The following MAN2A2 variants were observed in gnomAD, a reference collection of about 807,000 sequenced individuals.
MAN2A2 encodes the protein alpha-mannosidase 2x.
Under a neutral mutation model 126.8 loss-of-function variants are expected in MAN2A2, and 79 were observed. The observed-to-expected ratio is 0.62, with a 90% CI of 0.52 to 0.75. The LOEUF (loss-of-function observed/expected upper bound fraction) is 0.75, where lower values mean the gene tolerates loss of function less well. Ranked by LOEUF, MAN2A2 falls within the 30% of genes least tolerant of loss-of-function variation. MAN2A2 has a pLI of 0.00. For synonymous variants in MAN2A2, 671 were observed against 618.7 expected (o/e 1.08, Z -1.25); for missense variants, 1,392 against 1,522.4 (o/e 0.91, Z 1.43).
At chr15:90,917,443 G>T (rs551386216) in intron 20 of MAN2A2, among the ~76,000 whole-genome samples, 1 of 152,348 alleles carries the variant, frequency 6.6e-6, no homozygotes, top group South Asian at 2.1e-4. Context: ...GTACGGAGCA[G>T]GTTGGATCTG....
At position 90,912,921 on chromosome 15, in the gene MAN2A2, C is replaced by A; in HGVS notation, c.2514C>A (p.Gly838=). The A allele has an allele frequency of 6.2e-7, 1 of 1,614,102 alleles. No homozygotes were observed. Among genetic ancestry groups the A allele is most frequent in the Non-Finnish European group, 8.5e-7 (1 of 1,179,966 alleles). Reference sequence around the variant, plus strand: ...CCCCCGTGCTGCGTGTCACTGAAGGCCCTTTCTTCTCAGAGGTGGTTGCGT... The same window carrying A: ...CCCCCGTGCTGCGTGTCACTGAAGGACCTTTCTTCTCAGAGGTGGTTGCGT... ...KEPPVLRVTE[G]PFFSEVVAYY... is the part of the protein sequence containing the mutation. Residue 838 remains glycine (G), a synonymous_variant, in exon 17 of 23, where the codon GGC becomes GGA. Coordinates refer to ENST00000559717, the MANE Select transcript of MAN2A2 (RefSeq NM_006122.4).
intron 19 of MAN2A2, chr15:90,915,857 T>C: frequency 2.2e-6 from 1 of 447,598 alleles, no homozygotes; most frequent in East Asian, 3.6e-5. Flanking sequence ...TACTCCTGAG[T>C]CCCAGAGCGT....
At chr15:90,908,278 C>CTGATAAG (rs371763362) in intron 8 of MAN2A2, among the ~76,000 whole-genome samples, 120 of 152,264 alleles carry the variant, frequency 7.9e-4, no homozygotes, top group African/African-American at 2.6e-3. Context: ...GCTTACTAGA[C>CTGATAAG]TGATAAGTTA....
intron 1 of MAN2A2, chr15:90,903,713 A>C (rs1484990111): frequency 8.4e-6 from 2 of 237,144 alleles, no homozygotes; most frequent in Admixed American, 1.0e-4. Context: ...CTGAGAAAGG[A>C]TCGTGCCAGG....
rs1453545491 is a variant in MAN2A2, at chr15:90,918,733, A to G, written c.3278A>G (p.Asn1093Ser). The G allele has an allele frequency of 1.4e-5, 21 of 1,521,548 alleles. No individual in the cohort carries two copies. The highest frequency in any genetic ancestry group is 1.9e-5 in the Non-Finnish European group (21 of 1,096,304). The allele number at this position is 1,521,548 out of a possible 1,614,324, so 94.3% of individuals were successfully genotyped here. ...CGLEAKNLGFNCTTSQGKVAL... is the reference protein window; with the variant it reads ...CGLEAKNLGFSCTTSQGKVAL... ...CTGGAGGCCAAGAACTTGGGCTTCA[A>G]CTGCACCACAAGCCAAGGCAAGGTG... is the stretch of plus-strand genomic sequence containing the variant. The change falls in exon 22 of 23, where the codon AAC (asparagine) becomes AGC (serine). Residue 1093 changes from asparagine (N) to serine (S), a missense_variant. Asn to Ser is a conservative substitution (Grantham distance 46, BLOSUM62 1). Coordinates refer to ENST00000559717, the MANE Select transcript of MAN2A2 (RefSeq NM_006122.4).
At position 90,906,448 on chromosome 15, in the gene MAN2A2, A is replaced by T; in HGVS notation, c.786A>T (p.Ala262=). ...ATGAGGCCAATTCCCACTACTTTGC[A>T]TTGATTGACCAGCTCATCGAAGGAC... ...MPDEANSHYF[A]LIDQLIEGHQ... Residue 262 remains alanine (A), a synonymous_variant, in exon 6 of 23, where the codon GCA becomes GCT. Coordinates refer to ENST00000559717, the MANE Select transcript of MAN2A2 (RefSeq NM_006122.4). 1 of 1,614,164 alleles carries T rather than the reference A, an allele frequency of 6.2e-7. No homozygotes were observed. The highest frequency in any genetic ancestry group is 8.5e-7 in the Non-Finnish European group (1 of 1,180,010).
At position 90,911,706 on chromosome 15, in the gene MAN2A2, A is replaced by T. The variant is rs1293123262; in HGVS notation, c.2109+156A>T. The T allele has an allele frequency of 2.3e-5, 18 of 799,498 alleles. No homozygotes were observed. In the South Asian group the frequency reaches 3.1e-4, roughly 14 times the overall value. The allele number at this position is 799,498 out of a possible 1,614,324, so 49.5% of individuals were successfully genotyped here. On this transcript the variant is annotated intron_variant, in intron 14 of 22. Transcript: ENST00000559717. ...GGAGGGGGTTGTCCAGAAGACAGGC[A>T]CTCTTGGGATTTGAGCGTGTCCTTG...
In MAN2A2 at chr15:90,906,763, G is replaced by A. The variant is rs1186215267; in HGVS notation, c.859G>A (p.Ala287Thr). The change falls in exon 7 of 23, where the codon GCA (alanine) becomes ACA (threonine). Residue 287 changes from alanine (A) to threonine (T), a missense_variant. By Grantham distance (58) the Ala-to-Thr change is moderately conservative (BLOSUM62 0). Transcript: ENST00000559717. ...AGGTGCAACCCCCCGCTCTGGCTGG[G>A]CAGTGGACCCCTTTGGATACAGCTC... ...NLGATPRSGW[A>T]VDPFGYSSTM... 7 of 1,613,044 alleles carry A rather than the reference G, an allele frequency of 4.3e-6. No individual in the cohort carries two copies. The highest frequency in any genetic ancestry group is 1.3e-5 in the African/African-American group (1 of 75,040).
At chr15:90,908,370 G>C (rs917593322) in intron 8 of MAN2A2, among the ~76,000 whole-genome samples, 6 of 152,236 alleles carry the variant, frequency 3.9e-5, no homozygotes, top group Non-Finnish European at 8.8e-5. Flanking sequence ...AAGTAGATTA[G>C]TTGACTCTTT....
At chr15:90,914,740 GAACT>G (rs1286621399) in intron 19 of MAN2A2, among the ~76,000 whole-genome samples, 1 of 152,138 alleles carries the variant, frequency 6.6e-6, no homozygotes, top group East Asian at 1.9e-4. Context: ...GGCTGGTCTG[GAACT>G]CCTGACCTTG....
chr15:90,908,092 G>A (rs1356675592), intron 8 of MAN2A2, among the ~76,000 whole-genome samples: 1 of 152,196 alleles, frequency 6.6e-6, no homozygotes, highest in African/African-American at 2.4e-5. Flanking sequence ...GAGTTGAAAC[G>A]TGACCAAAAG....
At chr15:90,918,828 T>A in intron 22 of MAN2A2, 73 bp downstream of exon 22, 3 of 1,106,486 alleles carry the variant, frequency 2.7e-6, no homozygotes, top group Non-Finnish European at 2.7e-6. Flanking sequence ...TGAGATTCGG[T>A]GACAGGCTGG....
intron 19 of MAN2A2, among the ~76,000 whole-genome samples, chr15:90,914,803 C>G (rs1330529999): frequency 6.6e-6 from 1 of 152,200 alleles, no homozygotes; most frequent in African/African-American, 2.4e-5. Flanking sequence ...TAGGTGTGAG[C>G]CAACACGCCC....
rs1176253565 is a variant in MAN2A2 at position 90,903,362 on chromosome 15, G to C, written c.-89G>C. 1 of 152,634 alleles carries C rather than the reference G, an allele frequency of 6.6e-6. No individual in the cohort carries two copies. The highest frequency in any genetic ancestry group is 1.5e-5 in the Non-Finnish European group (1 of 68,334). The allele number at this position is 152,634 out of a possible 1,614,324, so 9.5% of individuals were successfully genotyped here. ...AAAGCTCCTCGGCCCCAGGGCCCGC[G>C]GAGCAGACTCCGGAGCGCGGTCCCG... On this transcript the variant is annotated 5_prime_UTR_variant, in exon 1 of 23. Transcript: ENST00000559717.
At position 90,910,498 on chromosome 15, in the gene MAN2A2, C is replaced by A. The variant is rs1012492398; in HGVS notation, c.1578-3C>A. 3 of 1,613,596 alleles carry A rather than the reference C, an allele frequency of 1.9e-6. No homozygotes were observed. The African/African-American group carries it at 4.0e-5, about 22-fold the overall frequency. ...CTGGCAGCTAACTTCTCTCTCTGGGCAGGGGGGCAGAGGTTCTGTACAGCC... is the reference window on the plus strand; with the variant it reads ...CTGGCAGCTAACTTCTCTCTCTGGGAAGGGGGGCAGAGGTTCTGTACAGCC... On this transcript the variant is annotated splice_region_variant and splice_polypyrimidine_tract_variant and intron_variant, in intron 10 of 22. Coordinates refer to ENST00000559717, the MANE Select transcript of MAN2A2 (RefSeq NM_006122.4).
chr15:90,905,106 G>C, intron 2 of MAN2A2, 145 bp from the exon 3 acceptor site: 1 of 812,052 alleles, frequency 1.2e-6, no homozygotes, highest in South Asian at 1.7e-5. Context: ...TTATCTGAAC[G>C]GTGTCATCTA....
intron 8 of MAN2A2, among the ~76,000 whole-genome samples, chr15:90,909,010 T>C (rs1234018522): frequency 2.6e-5 from 4 of 152,328 alleles, no homozygotes; most frequent in South Asian, 2.1e-4. Context: ...TGGTGTGATA[T>C]GGCTCCGGGG....
Position 90,906,439 on chromosome 15 carries a change from C to A in MAN2A2, c.777C>A (p.His259Gln). ...TGATGCCAGATGAGGCCAATTCCCA[C>A]TACTTTGCATTGATTGACCAGCTCA... ...GWVMPDEANSHYFALIDQLIE... is the reference protein window; with the variant it reads ...GWVMPDEANSQYFALIDQLIE... The change falls in exon 6 of 23, where the codon CAC becomes CAA. Residue 259 changes from histidine to glutamine, a missense_variant. Coordinates refer to ENST00000559717, the MANE Select transcript of MAN2A2 (RefSeq NM_006122.4). 4 of 1,614,158 alleles carry A rather than the reference C, an allele frequency of 2.5e-6. No individual in the cohort carries two copies. Among genetic ancestry groups the A allele is most frequent in the Non-Finnish European group, 3.4e-6 (4 of 1,180,004 alleles).
rs1191320461 is a variant in MAN2A2, at chr15:90,912,691, T to C, written c.2469+27T>C. The stretch of plus-strand genomic sequence containing the variant: ...TATCCTAAAGATGCCTTGAACAACC[T>C]GGCAGGGAGGGCAGGAGGGGGCACA... On this transcript the variant is annotated intron_variant, in intron 16 of 22. Coordinates refer to ENST00000559717, the MANE Select transcript of MAN2A2 (RefSeq NM_006122.4). 4 of 1,613,498 alleles carry C rather than the reference T, an allele frequency of 2.5e-6. No individual in the cohort carries two copies. The Admixed American group carries it at 6.7e-5, about 27-fold the overall frequency.
Sources: gnomAD v4.1 joint callset for allele counts (sites outside exome capture counted in the v4.1 genomes callset) on GRCh38, gnomAD v4.1.1 for gene constraint, MANE v1.5 for transcripts, NCBI Gene and HGNC (gene_info 2026-07-23, HGNC 2026-07-21) for gene names.